Variants in OSBPL10 observed in about 807,000 individuals in gnomAD.
OSBPL10 encodes the protein oxysterol-binding protein-related protein 10.
In OSBPL10, 49 loss-of-function variants were observed where a neutral mutation model predicts 81.7. The observed-to-expected ratio is 0.60, with a 90% confidence interval of 0.48 to 0.76. The LOEUF (loss-of-function observed/expected upper bound fraction) is 0.76, where lower values mean the gene tolerates loss of function less well. OSBPL10 is among the 30% of genes least tolerant of loss of function. OSBPL10 has a pLI of 0.00. For synonymous variants in OSBPL10, 419 were observed against 383.6 expected, an observed-to-expected ratio of 1.09 and a Z score of -1.08; for missense variants, 923 against 987.8, an observed-to-expected ratio of 0.93 and a Z score of 0.88.
At position 31,853,719 on chromosome 3, in the gene OSBPL10, C is replaced by T. The variant is rs528414503; in HGVS notation, c.537+22714G>A. On this transcript the variant is annotated intron_variant, in intron 3 of 11. Coordinates refer to ENST00000396556, the MANE Select transcript of OSBPL10 (RefSeq NM_017784.5). ...GCTGAGACACGTCAGCTCACTTCTG[C>T]CACATTTCAGGAAGCACCTGCACGT... is the stretch of plus-strand genomic sequence containing the variant. 3.3e-5 allele frequency among the ~76,000 whole-genome samples: 5 copies of T among 152,304 alleles called. No homozygotes were observed. In the South Asian group the frequency reaches 1.0e-3, roughly 32 times the overall value.
At chr3:31,667,385 G>A (rs1422866417) in intron 10 of OSBPL10, among the ~76,000 whole-genome samples, 3 of 152,232 alleles carry the variant, frequency 2.0e-5, no homozygotes, top group African/African-American at 7.2e-5. Context: ...ACAAGCAAGA[G>A]TGTACTAATT....
chr3:32,048,967 G>A (rs1330622835), intron 1 of OSBPL10, among the ~76,000 whole-genome samples: 1 of 152,172 alleles, frequency 6.6e-6, no homozygotes, highest in Non-Finnish European at 1.5e-5. Context: ...CATGCTAAAA[G>A]ACACTCCTAC....
chr3:31,959,700 TTC>T (rs1450192676), intron 1 of OSBPL10, among the ~76,000 whole-genome samples: 1 of 152,286 alleles, frequency 6.6e-6, no homozygotes, highest in African/African-American at 2.4e-5. Context: ...GAGAAGCATA[TTC>T]TGTTTCTTGT....
intron 4 of OSBPL10, among the ~76,000 whole-genome samples, chr3:31,769,369 C>T (rs1216804485): frequency 1.5e-5 from 2 of 134,512 alleles, no homozygotes; most frequent in Admixed American, 8.4e-5. Flanking sequence ...TGTTTGAACC[C>T]GGGAGACAGA....
At chr3:31,784,367 AGGAAAAGGAAAG>A (rs1357177264) in intron 4 of OSBPL10, among the ~76,000 whole-genome samples, 2 of 144,164 alleles carry the variant, frequency 1.4e-5, no homozygotes, top group African/African-American at 5.0e-5. Flanking sequence ...GGAAAGGAAA[AGGAAAAGGAAAG>A]GGAAAAGGAA....
intron 7 of OSBPL10, among the ~76,000 whole-genome samples, chr3:31,686,033 G>A (rs1435858680): frequency 2.0e-5 from 3 of 152,148 alleles, no homozygotes; most frequent in African/African-American, 4.8e-5. Flanking sequence ...ATTAGGGACC[G>A]CAAGAGCATG....
intron 4 of OSBPL10, among the ~76,000 whole-genome samples, chr3:31,803,434 T>G (rs1699441743): frequency 6.6e-6 from 1 of 152,230 alleles, no homozygotes; most frequent in African/African-American, 2.4e-5. Flanking sequence ...TATAACCATC[T>G]TCCTTCAAAC....
chr3:31,817,773 G>A (rs1005222157), intron 4 of OSBPL10, among the ~76,000 whole-genome samples: 10 of 152,110 alleles, frequency 6.6e-5, no homozygotes, highest in Non-Finnish European at 1.2e-4. Context: ...CAGAAGGGGC[G>A]GGGCTCCCAC....
chr3:32,007,747 C>G (rs1699217843), intron 2 of OSBPL10, among the ~76,000 whole-genome samples: 1 of 151,992 alleles, frequency 6.6e-6, no homozygotes, highest in Non-Finnish European at 1.5e-5. Flanking sequence ...GCTCTTGTTG[C>G]CCAGGCTAGA....
intron 3 of OSBPL10, among the ~76,000 whole-genome samples, chr3:31,846,978 G>C (rs1475007081): frequency 6.6e-6 from 1 of 151,868 alleles, no homozygotes; most frequent in African/African-American, 2.4e-5. Context: ...AGAACTTTTT[G>C]TGTGTCTTCA....
At chr3:32,035,442 A>G (rs1051589980) in intron 2 of OSBPL10, among the ~76,000 whole-genome samples, 14 of 151,774 alleles carry the variant, frequency 9.2e-5, no homozygotes, top group Admixed American at 2.0e-4. Flanking sequence ...CACGCCTGTA[A>G]TCCTAGCTAC....
intron 1 of OSBPL10, among the ~76,000 whole-genome samples, chr3:31,925,642 G>A (rs751458122): frequency 3.3e-5 from 5 of 151,960 alleles, no homozygotes; most frequent in Non-Finnish European, 5.9e-5. Context: ...GTGAACCCCC[G>A]TCTCTACTAA....
chr3:31,864,087 C>G (rs1295327392), intron 3 of OSBPL10, among the ~76,000 whole-genome samples: 1 of 152,128 alleles, frequency 6.6e-6, no homozygotes, highest in Non-Finnish European at 1.5e-5. Context: ...CCCCACAGTC[C>G]CAGGCCTCCG....
intron 2 of OSBPL10, chr3:31,989,614 G>GA: frequency 1.2e-6 from 2 of 1,614,202 alleles, no homozygotes; most frequent in South Asian, 2.2e-5. Flanking sequence ...TGGTAATCAA[G>GA]TTGAGAAGTC....
At chr3:31,881,390 T>A (rs1458661615) in intron 1 of OSBPL10, among the ~76,000 whole-genome samples, 1 of 152,218 alleles carries the variant, frequency 6.6e-6, no homozygotes, top group Non-Finnish European at 1.5e-5. Context: ...ATATTTTACA[T>A]TTTTTGAGGG....
chr3:31,971,054 AGGTG>A (rs1698548336), intron 1 of OSBPL10, among the ~76,000 whole-genome samples: 1 of 150,718 alleles, frequency 6.6e-6, no homozygotes, highest in African/African-American at 2.4e-5. Flanking sequence ...TCCCACTCCC[AGGTG>A]CTTCCTCTGC....
intron 4 of OSBPL10, among the ~76,000 whole-genome samples, chr3:31,778,578 G>C (rs1032799282): frequency 1.3e-5 from 2 of 151,996 alleles, no homozygotes; most frequent in East Asian, 1.9e-4. Flanking sequence ...CCACACCTAA[G>C]AATAACTGGT....
chr3:31,859,949 A>G (rs921562626), intron 3 of OSBPL10, among the ~76,000 whole-genome samples: 7 of 152,144 alleles, frequency 4.6e-5, no homozygotes, highest in African/African-American at 1.2e-4. Flanking sequence ...AAATTTTCCA[A>G]TGGACTTGGA....
intron 3 of OSBPL10, among the ~76,000 whole-genome samples, chr3:31,855,416 G>A (rs778852117): frequency 7.2e-5 from 11 of 152,044 alleles, no homozygotes; most frequent in Non-Finnish European, 1.6e-4. Flanking sequence ...GTCCATGTAG[G>A]ATATATTTTT....
Sources: gnomAD v4.1 joint callset for allele counts (sites outside exome capture counted in the v4.1 genomes callset) on GRCh38, gnomAD v4.1.1 for gene constraint, MANE v1.5 for transcripts, NCBI Gene and HGNC (gene_info 2026-07-23, HGNC 2026-07-21) for gene names.